MXRA7: variants seen among roughly 807,000 people sequenced by gnomAD.
The protein encoded by MXRA7 is matrix-remodeling-associated protein 7.
In MXRA7, 18 loss-of-function variants were observed where a neutral mutation model predicts 17.4. The observed-to-expected ratio is 1.03, with a 90% CI of 0.71 to 1.53. The LOEUF is 1.53. Ranked by LOEUF, MXRA7 falls within the 40% of genes most tolerant of loss-of-function variation. The pLI is 0.00. For missense variants in MXRA7, 141 were observed against 209.3 expected (o/e 0.67, Z 2.01); for synonymous variants, 70 against 101.7 (o/e 0.69, Z 1.87).
chr17:76,702,582 G>A (rs1345020798), intron 1 of MXRA7, among the ~76,000 whole-genome samples: 1 of 152,168 alleles, frequency 6.6e-6, no homozygotes. Context: ...GGGCGCAGTG[G>A]CTTATGCCTG....
rs2076279700 is a variant in MXRA7, at chr17:76,680,034, T to C, written c.*833A>G. On this transcript the variant is annotated 3_prime_UTR_variant, in exon 4 of 4. Transcript: ENST00000449428. Reference sequence around the variant, plus strand: ...TTGGTATAGTATAAATATTGTCAAATATAAAATTCCAAGAAACCCATTTGA... The same window carrying C: ...TTGGTATAGTATAAATATTGTCAAACATAAAATTCCAAGAAACCCATTTGA... 3.1e-6 allele frequency: 3 copies of C among 957,924 alleles called. No homozygotes were observed. Among genetic ancestry groups the C allele is most frequent in the Non-Finnish European group, 2.5e-6 (2 of 809,842 alleles). 59.3% of individuals were successfully genotyped at this position (957,924 alleles called of 1,614,324 possible).
At chr17:76,687,862 G>A (rs1007845638) in intron 2 of MXRA7, among the ~76,000 whole-genome samples, 2 of 152,260 alleles carry the variant, frequency 1.3e-5, no homozygotes, top group Non-Finnish European at 2.9e-5. Context: ...AGGGCGTGTA[G>A]TGTGTTCCCA....
chr17:76,682,982 A>C (rs1361964293), intron 3 of MXRA7, among the ~76,000 whole-genome samples: 2 of 152,114 alleles, frequency 1.3e-5, no homozygotes, highest in African/African-American at 4.8e-5. Context: ...TACTCTCTGA[A>C]AATAAGGGGA....
intron 2 of MXRA7, among the ~76,000 whole-genome samples, chr17:76,685,787 G>A (rs1191681813): frequency 1.3e-5 from 2 of 152,264 alleles, no homozygotes; most frequent in Non-Finnish European, 2.9e-5. Flanking sequence ...TAGGTGGTGG[G>A]CACAGAGGAA....
chr17:76,698,705 CCTTT>C (rs796586535), intron 1 of MXRA7, among the ~76,000 whole-genome samples: 91 of 140,950 alleles, frequency 6.5e-4, no homozygotes, highest in African/African-American at 2.0e-3. Context: ...TGACTTCCTT[CCTTT>C]CTGTTTTTTT....
chr17:76,693,140 C>T (rs74374150), intron 1 of MXRA7, among the ~76,000 whole-genome samples: 3,232 of 152,252 alleles, frequency 0.021, 110 homozygotes, highest in African/African-American at 0.073. Flanking sequence ...TAAAACTGCA[C>T]TAAGACTCTG....
intron 1 of MXRA7, chr17:76,688,418 C>T: frequency 7.2e-7 from 1 of 1,390,592 alleles, no homozygotes; most frequent in Admixed American, 3.2e-5. Flanking sequence ...GCACCCCAAG[C>T]CCTCGGCCTT....
At chr17:76,673,357 A>G (rs2076216652) in exon 4 of MXRA7, 1 of 152,278 alleles carries the variant, frequency 6.6e-6, no homozygotes, top group Non-Finnish European at 1.5e-5. Context: ...ATACTCCCAC[A>G]TAGGATACTG....
At chr17:76,706,017 A>ACTGCCATCACGAAGGCCCACT (rs2076650508) in intron 1 of MXRA7, among the ~76,000 whole-genome samples, 1 of 148,946 alleles carries the variant, frequency 6.7e-6, no homozygotes, top group African/African-American at 2.5e-5. Context: ...AGAGGACCAC[A>ACTGCCATCACGAAGGCCCACT]CTGCCATCAC....
intron 1 of MXRA7, chr17:76,688,699 A>G: frequency 8.1e-7 from 1 of 1,232,000 alleles, no homozygotes; most frequent in Non-Finnish European, 1.0e-6. Context: ...CCACACAGAG[A>G]CACAATAAAC....
chr17:76,688,334 T>C, intron 1 of MXRA7, 158 bp from the exon 2 acceptor site: 1 of 1,457,456 alleles, frequency 6.9e-7, no homozygotes, highest in Non-Finnish European at 9.0e-7. Flanking sequence ...AACCAGCAGG[T>C]GGGGGCTGTG....
At chr17:76,704,781 CAA>C (rs34446989) in intron 1 of MXRA7, among the ~76,000 whole-genome samples, 9 of 92,878 alleles carry the variant, frequency 9.7e-5, no homozygotes, top group Non-Finnish European at 1.5e-4. Flanking sequence ...AACTCCGTCT[CAA>C]AAAAAAAAAA....
At chr17:76,710,451 C>A (rs910068073) in intron 1 of MXRA7, among the ~76,000 whole-genome samples, 154 bp downstream of exon 1, 1 of 152,172 alleles carries the variant, frequency 6.6e-6, no homozygotes, top group Admixed American at 6.5e-5. Context: ...CTTAGCATGG[C>A]GGGACCTGCA....
At chr17:76,684,119 C>G (rs2076352629) in intron 3 of MXRA7, among the ~76,000 whole-genome samples, 1 of 152,020 alleles carries the variant, frequency 6.6e-6, no homozygotes, top group African/African-American at 2.4e-5. Flanking sequence ...GAGACAGGGC[C>G]TGTCACCGGC....
At chr17:76,701,352 A>G (rs2076588854) in intron 1 of MXRA7, among the ~76,000 whole-genome samples, 1 of 143,772 alleles carries the variant, frequency 7.0e-6, no homozygotes, top group Admixed American at 7.0e-5. Flanking sequence ...TGAGCAGCTG[A>G]GCGTCGGGGG....
At chr17:76,706,168 C>T (rs529088450) in intron 1 of MXRA7, among the ~76,000 whole-genome samples, 1 of 150,784 alleles carries the variant, frequency 6.6e-6, no homozygotes, top group Non-Finnish European at 1.5e-5. Flanking sequence ...GCCCACGCTG[C>T]CGTCACAGAG....
intron 3 of MXRA7, chr17:76,684,056 G>A (rs2076351543): frequency 2.6e-6 from 2 of 779,844 alleles, no homozygotes; most frequent in East Asian, 2.5e-5. Context: ...CCCACCCAGG[G>A]TGAAGAGCTT....
intron 1 of MXRA7, among the ~76,000 whole-genome samples, chr17:76,707,596 G>A (rs1009258841): frequency 3.3e-5 from 5 of 152,022 alleles, no homozygotes; most frequent in Non-Finnish European, 4.4e-5. Flanking sequence ...GAGCCATCGC[G>A]CCCGGGCTCT....
chr17:76,697,788 A>C (rs1056072744), intron 1 of MXRA7, among the ~76,000 whole-genome samples: 2 of 152,194 alleles, frequency 1.3e-5, no homozygotes, highest in African/African-American at 4.8e-5. Context: ...TGGGAGACAC[A>C]GTGAACCAAG....
Sources: gnomAD v4.1 joint callset for allele counts (sites outside exome capture counted in the v4.1 genomes callset) on GRCh38, gnomAD v4.1.1 for gene constraint, MANE v1.5 for transcripts, NCBI Gene and HGNC (gene_info 2026-07-23, HGNC 2026-07-21) for gene names.